PI4KA: variants seen among roughly 807,000 people sequenced by gnomAD.
The protein encoded by PI4KA is phosphatidylinositol 4-kinase alpha, also known as PI4-kinase alpha.
A neutral mutation model predicts 271.4 loss-of-function variants in PI4KA; 122 were observed. The ratio of observed to expected loss-of-function variants is 0.45; its 90% confidence interval spans 0.39 to 0.52. The LOEUF is 0.52. PI4KA is among the 20% of genes least tolerant of loss of function. PI4KA has a pLI of 0.00. For missense variants in PI4KA, 1,969 were observed against 2,769.1 expected, an observed-to-expected ratio of 0.71 and a Z score of 6.48; for synonymous variants, 1,041 against 1,078.8, an observed-to-expected ratio of 0.96 and a Z score of 0.69.
chr22:20,816,489 G>A (rs1031847372), intron 7 of PI4KA, among the ~76,000 whole-genome samples: 6 of 152,118 alleles, frequency 3.9e-5, no homozygotes, highest in Admixed American at 3.9e-4. Context: ...TGGGAAGGGA[G>A]ATAGAAGGAC....
chr22:20,775,105 G>A (rs866788872), intron 19 of PI4KA, among the ~76,000 whole-genome samples: 11 of 152,118 alleles, frequency 7.2e-5, no homozygotes, highest in African/African-American at 1.9e-4. Flanking sequence ...GAGGGATGAC[G>A]GTTTATCAAG....
intron 18 of PI4KA, among the ~76,000 whole-genome samples, chr22:20,794,427 C>T (rs927294633): frequency 6.6e-6 from 1 of 152,168 alleles, no homozygotes; most frequent in African/African-American, 2.4e-5. Context: ...GCTAGACACG[C>T]GGGACACACT....
At chr22:20,740,060 TCAAAA>T (rs1418960337) in intron 32 of PI4KA, among the ~76,000 whole-genome samples, 2 of 32,206 alleles carry the variant, frequency 6.2e-5, no homozygotes, top group Admixed American at 8.7e-4. Flanking sequence ...AGACCCCATC[TCAAAA>T]AAAAAAAAAA....
At chr22:20,747,303 AT>A (rs1930220285) in intron 29 of PI4KA, among the ~76,000 whole-genome samples, 1 of 152,136 alleles carries the variant, frequency 6.6e-6, no homozygotes, top group African/African-American at 2.4e-5. Context: ...AGATGGGGAC[AT>A]TCAAATCAAA....
intron 19 of PI4KA, among the ~76,000 whole-genome samples, chr22:20,784,755 TA>T (rs1934073088): frequency 6.6e-6 from 1 of 152,212 alleles, no homozygotes; most frequent in Non-Finnish European, 1.5e-5. Flanking sequence ...ACTTTGTAGT[TA>T]AAACTGCAGG....
In PI4KA at chr22:20,790,622, C is replaced by T. The variant is rs560594544; in HGVS notation, c.2328+2571G>A. 6.2e-4 allele frequency among the ~76,000 whole-genome samples: 94 copies of T among 151,768 alleles called. 1 individual carries two copies. Among genetic ancestry groups the T allele is most frequent in the Non-Finnish European group, 1.1e-3 (74 of 67,980 alleles). On this transcript the variant is annotated intron_variant, in intron 19 of 54. Coordinates refer to ENST00000255882, the MANE Select transcript of PI4KA (RefSeq NM_058004.4). ...GTTGCAGTGAGCCAAAATCACGCCA[C>T]TGCACTCCAGTCTGGGTGACAGAGT...
intron 28 of PI4KA, 32 bp from the exon 29 acceptor site, chr22:20,747,734 T>A (rs1328646641): frequency 6.2e-7 from 1 of 1,602,598 alleles, no homozygotes; most frequent in Non-Finnish European, 8.5e-7. Flanking sequence ...GGGTTTCAGT[T>A]ATTTATCTGA....
intron 19 of PI4KA, chr22:20,779,932 A>G: frequency 6.2e-7 from 1 of 1,614,216 alleles, no homozygotes; most frequent in Non-Finnish European, 8.5e-7. Context: ...AAGCTGACTC[A>G]TCGCCTCTTC....
intron 1 of PI4KA, among the ~76,000 whole-genome samples, chr22:20,854,196 C>G (rs1927321764): frequency 6.6e-6 from 1 of 151,424 alleles, no homozygotes; most frequent in Admixed American, 6.6e-5. Flanking sequence ...TCTCGGCTTA[C>G]TGCAACCTCA....
intron 4 of PI4KA, among the ~76,000 whole-genome samples, chr22:20,821,561 G>A (rs1922670999): frequency 6.6e-6 from 1 of 150,414 alleles, no homozygotes. Context: ...GTTCCTGGAA[G>A]GGTGGCTTAT....
intron 30 of PI4KA, 30 bp from the exon 31 acceptor site, chr22:20,742,794 C>CAT: frequency 6.2e-7 from 1 of 1,611,146 alleles, no homozygotes; most frequent in Non-Finnish European, 8.5e-7. Context: ...AGCAACTAAG[C>CAT]ATATAATCCA....
At chr22:20,817,442 A>G (rs1490218427) in intron 7 of PI4KA, among the ~76,000 whole-genome samples, 1 of 152,008 alleles carries the variant, frequency 6.6e-6, no homozygotes, top group Non-Finnish European at 1.5e-5. Context: ...AGCTCTATAA[A>G]AAGTAGTAAT....
In PI4KA at chr22:20,761,388, TAAG is replaced by T. The variant is rs747625320; in HGVS notation, c.2709-5_2709-3del. On this transcript the variant is annotated splice_region_variant and splice_polypyrimidine_tract_variant and intron_variant, in intron 22 of 54. Coordinates refer to ENST00000255882, the MANE Select transcript of PI4KA (RefSeq NM_058004.4). ...TCAGGATCTGTTGAACGCAGTACCC[TAAG>T]AAGAAAACAGCTTTAAATAAATTTT... 3.6e-5 allele frequency: 58 copies of T among 1,602,732 alleles called. No homozygotes were observed. Among genetic ancestry groups the T allele is most frequent in the Non-Finnish European group, 4.6e-5 (54 of 1,169,806 alleles).
intron 19 of PI4KA, among the ~76,000 whole-genome samples, chr22:20,771,895 A>G (rs542212092): frequency 6.6e-6 from 1 of 152,188 alleles, no homozygotes; most frequent in South Asian, 2.1e-4. Flanking sequence ...ACTGGCTTTA[A>G]AAATAACAAA....
At chr22:20,790,741 C>CAA (rs1175786007) in intron 19 of PI4KA, among the ~76,000 whole-genome samples, 1 of 130,354 alleles carries the variant, frequency 7.7e-6, no homozygotes, top group African/African-American at 2.9e-5. Context: ...CACACACACA[C>CAA]AACAAAAAAA....
chr22:20,805,487 T>C (rs1472135624), intron 10 of PI4KA, among the ~76,000 whole-genome samples: 5 of 152,212 alleles, frequency 3.3e-5, no homozygotes, highest in African/African-American at 9.7e-5. Context: ...TTGCTGGAAC[T>C]ACTTCCACTG....
chr22:20,770,624 ACACACAC>A (rs1388954876), intron 19 of PI4KA, among the ~76,000 whole-genome samples: 2 of 139,484 alleles, frequency 1.4e-5, no homozygotes, highest in Non-Finnish European at 3.1e-5. Flanking sequence ...ACACACACAC[ACACACAC>A]AAGCTGGACA....
chr22:20,845,352 G>C (rs1860852227), intron 1 of PI4KA, among the ~76,000 whole-genome samples: 1 of 152,102 alleles, frequency 6.6e-6, no homozygotes, highest in South Asian at 2.1e-4. Context: ...TCAAAATAAA[G>C]CTACAATAAT....
At chr22:20,813,830 G>A (rs576318399) in intron 7 of PI4KA, among the ~76,000 whole-genome samples, 29 of 151,978 alleles carry the variant, frequency 1.9e-4, no homozygotes, top group African/African-American at 5.8e-4. Context: ...ACAGAGTCTC[G>A]CTCTGTTGCC....
Sources: gnomAD v4.1 joint callset for allele counts (sites outside exome capture counted in the v4.1 genomes callset) on GRCh38, gnomAD v4.1.1 for gene constraint, MANE v1.5 for transcripts, NCBI Gene and HGNC (gene_info 2026-07-23, HGNC 2026-07-21) for gene names.